AGBL4: variants seen among roughly 807,000 people sequenced by gnomAD.
The protein encoded by AGBL4 is cytosolic carboxypeptidase 6.
In AGBL4, 58 loss-of-function variants were observed where a neutral mutation model predicts 66.4. The ratio of observed to expected loss-of-function variants is 0.87; its 90% CI spans 0.71 to 1.09. The LOEUF is 1.09. Among genes scored for constraint, AGBL4 ranks in the 50% least tolerant of loss-of-function variants. AGBL4 has a pLI of 0.00. For synonymous variants in AGBL4, 234 were observed against 222.9 expected (o/e 1.05, Z -0.44); for missense variants, 579 against 631.0 (o/e 0.92, Z 0.88).
chr1:48,811,050 A>G (rs1646037579), intron 6 of AGBL4, among the ~76,000 whole-genome samples: 1 of 152,020 alleles, frequency 6.6e-6, no homozygotes, highest in South Asian at 2.1e-4. Flanking sequence ...TTCTCTGGAA[A>G]GTATCAGGAA....
chr1:49,825,191 T>C (rs1645478197), intron 2 of AGBL4, among the ~76,000 whole-genome samples: 1 of 152,230 alleles, frequency 6.6e-6, no homozygotes, highest in South Asian at 2.1e-4. Context: ...TTTTCTTTTG[T>C]TTTTCTAAAT....
intron 6 of AGBL4, among the ~76,000 whole-genome samples, chr1:48,821,697 G>A (rs999952454): frequency 6.6e-6 from 1 of 152,038 alleles, no homozygotes; most frequent in Non-Finnish European, 1.5e-5. Flanking sequence ...TCACCATTAT[G>A]CAATATATCC....
At chr1:48,715,741 T>C (rs996539036) in intron 6 of AGBL4, among the ~76,000 whole-genome samples, 2 of 152,158 alleles carry the variant, frequency 1.3e-5, no homozygotes, top group Non-Finnish European at 2.9e-5. Flanking sequence ...ATAAATGGCA[T>C]TTTAAATAAA....
intron 1 of AGBL4, among the ~76,000 whole-genome samples, chr1:49,866,847 A>G (rs892887198): frequency 6.6e-6 from 1 of 150,798 alleles, no homozygotes; most frequent in East Asian, 2.0e-4. Context: ...CATCATTCTC[A>G]TGGCAACTCC....
chr1:48,928,202 C>T (rs1449143201), intron 5 of AGBL4, among the ~76,000 whole-genome samples: 1 of 152,172 alleles, frequency 6.6e-6, no homozygotes, highest in Non-Finnish European at 1.5e-5. Flanking sequence ...ACAGCCCCAT[C>T]ACTGGAGCTT....
chr1:49,839,650 A>G (rs745970537), intron 2 of AGBL4, among the ~76,000 whole-genome samples: 1 of 152,226 alleles, frequency 6.6e-6, no homozygotes, highest in Non-Finnish European at 1.5e-5. Context: ...AGCATGGACC[A>G]GAGAGAGGTG....
chr1:49,435,212 C>T (rs1177505), intron 3 of AGBL4, among the ~76,000 whole-genome samples: 104,318 of 152,118 alleles, frequency 0.69, 36,545 homozygotes, highest in African/African-American at 0.78. Context: ...ACCAGAATTA[C>T]GTCTGATTGT....
chr1:48,868,735 G>A (rs750120261), intron 5 of AGBL4, among the ~76,000 whole-genome samples: 2 of 152,146 alleles, frequency 1.3e-5, no homozygotes, highest in Non-Finnish European at 1.5e-5. Context: ...GACCTGCCAC[G>A]TGGGCAGGGA....
intron 1 of AGBL4, among the ~76,000 whole-genome samples, chr1:49,895,150 A>G (rs1649059993): frequency 6.6e-6 from 1 of 151,820 alleles, no homozygotes; most frequent in Non-Finnish European, 1.5e-5. Context: ...CTAGAATAGT[A>G]TATTTAGCAA....
At chr1:49,451,251 A>G (rs1646272154) in intron 3 of AGBL4, among the ~76,000 whole-genome samples, 1 of 151,960 alleles carries the variant, frequency 6.6e-6, no homozygotes, top group Non-Finnish European at 1.5e-5. Context: ...GACTTTCTCC[A>G]TCTTTGACTT....
chr1:48,719,550 C>T (rs1647110248), intron 6 of AGBL4, among the ~76,000 whole-genome samples: 1 of 152,214 alleles, frequency 6.6e-6, no homozygotes, highest in Non-Finnish European at 1.5e-5. Flanking sequence ...TCTAGCAGCT[C>T]AGCCTGGAAC....
At chr1:48,744,353 A>G (rs185439063) in intron 6 of AGBL4, among the ~76,000 whole-genome samples, 46 of 152,380 alleles carry the variant, frequency 3.0e-4, no homozygotes, top group Middle Eastern at 3.4e-3. Context: ...GTGTGGGATC[A>G]CAGGTTAAAA....
chr1:48,811,740 T>C (rs1646055697), intron 6 of AGBL4, among the ~76,000 whole-genome samples: 1 of 152,122 alleles, frequency 6.6e-6, no homozygotes. Context: ...CCCTCTCTAC[T>C]AGAGTGGCTT....
intron 2 of AGBL4, among the ~76,000 whole-genome samples, chr1:49,698,603 T>C (rs911235121): frequency 3.3e-5 from 5 of 152,076 alleles, no homozygotes; most frequent in African/African-American, 1.2e-4. Context: ...CTCTAACCAC[T>C]AGACAATATA....
intron 6 of AGBL4, among the ~76,000 whole-genome samples, chr1:48,762,128 G>A (rs752262963): frequency 1.5e-4 from 23 of 152,204 alleles, no homozygotes; most frequent in Non-Finnish European, 2.8e-4. Context: ...CAAACCCAGA[G>A]GATGGAAGAG....
At chr1:48,829,903 A>C (rs1646511387) in intron 6 of AGBL4, among the ~76,000 whole-genome samples, 1 of 152,090 alleles carries the variant, frequency 6.6e-6, no homozygotes, top group African/African-American at 2.4e-5. Flanking sequence ...AACTATTAAC[A>C]TGTGGGGTTG....
intron 6 of AGBL4, among the ~76,000 whole-genome samples, chr1:48,752,342 A>G (rs990797691): frequency 2.6e-5 from 4 of 152,216 alleles, no homozygotes; most frequent in Admixed American, 2.6e-4. Flanking sequence ...TGATGTCTAA[A>G]AAAATCTAGG....
chr1:49,349,594 T>A (rs1327058537), intron 3 of AGBL4, among the ~76,000 whole-genome samples: 1 of 152,196 alleles, frequency 6.6e-6, no homozygotes, highest in Non-Finnish European at 1.5e-5. Context: ...ACCTCTTCTT[T>A]GTAGCACTTA....
intron 3 of AGBL4, among the ~76,000 whole-genome samples, chr1:49,559,361 T>C (rs1643979294): frequency 6.6e-6 from 1 of 152,142 alleles, no homozygotes; most frequent in Non-Finnish European, 1.5e-5. Context: ...ACCACAGCGT[T>C]ACTAGGCTTG....
Sources: allele counts gnomAD v4.1 joint callset (sites outside exome capture counted in the v4.1 genomes callset), GRCh38; gene constraint gnomAD v4.1.1; transcripts MANE v1.5; gene names NCBI Gene and HGNC (gene_info 2026-07-23, HGNC 2026-07-21).